Variants in GFRAL observed in about 807,000 individuals in gnomAD.
GFRAL encodes GDNF family receptor alpha-like.
In GFRAL, 36 loss-of-function variants were observed where a neutral mutation model predicts 45.4. That is an observed-to-expected ratio of 0.79 (90% CI 0.61 to 1.05). The LOEUF (loss-of-function observed/expected upper bound fraction) is 1.05. Ranked by LOEUF, GFRAL falls within the 50% of genes least tolerant of loss-of-function variation. The pLI, the probability that GFRAL is intolerant of heterozygous loss-of-function variation, is 0.00. For missense variants in GFRAL, 507 were observed against 467.5 expected, an observed-to-expected ratio of 1.08 and a Z score of -0.78; for synonymous variants, 166 against 154.1, an observed-to-expected ratio of 1.08 and a Z score of -0.57.
chr6:55,340,804 A>G (rs1278727119), intron 3 of GFRAL, among the ~76,000 whole-genome samples: 1 of 152,188 alleles, frequency 6.6e-6, no homozygotes, highest in Non-Finnish European at 1.5e-5. Flanking sequence ...TGGCACCTGG[A>G]AAATCGGGTC....
intron 3 of GFRAL, among the ~76,000 whole-genome samples, chr6:55,338,927 C>G (rs1184992140): frequency 1.3e-5 from 2 of 152,014 alleles, no homozygotes; most frequent in Non-Finnish European, 2.9e-5. Flanking sequence ...AGGAATGTAT[C>G]ATCAGTTTCT....
At chr6:55,395,175 A>ATATAT (rs1554136792) in intron 6 of GFRAL, among the ~76,000 whole-genome samples, 145 of 123,472 alleles carry the variant, frequency 1.2e-3, no homozygotes, top group African/African-American at 4.7e-3. Flanking sequence ...AAAAAAAAAA[A>ATATAT]ATATATATAT....
rs1768904410 is a variant in GFRAL at position 55,401,919 on chromosome 6, T to A, written c.*66T>A. 5.0e-6 allele frequency: 4 copies of A among 806,592 alleles called. No homozygotes were observed. Among genetic ancestry groups the A allele is most frequent in the Non-Finnish European group, 8.6e-6 (4 of 467,664 alleles). The allele number at this position is 806,592 out of a possible 1,614,324, so 50.0% of individuals were successfully genotyped here. On this transcript the variant is annotated 3_prime_UTR_variant, in exon 9 of 9. Transcript: ENST00000340465. ...CTGCTTTTCTTCTTTCCTCTTTTCT[T>A]CTCTCCTCTCCTCTCCTCTCTTCTC...
rs192047373 is a variant in GFRAL, at chr6:55,399,980, T to C, written c.1121+539T>C. ...ACCATTGCCTGACATTAATTTATTC[T>C]CCAAATCTTGGCTGCTTTTATTGCT... On this transcript the variant is annotated intron_variant, in intron 8 of 8. Coordinates refer to ENST00000340465, the MANE Select transcript of GFRAL (RefSeq NM_207410.2). 1.4e-3 allele frequency among the ~76,000 whole-genome samples: 220 copies of C among 152,272 alleles called. No homozygotes were observed. In the Middle Eastern group the frequency reaches 0.031, roughly 21 times the overall value.
intron 3 of GFRAL, among the ~76,000 whole-genome samples, chr6:55,344,500 C>G (rs1768012490): frequency 6.6e-6 from 1 of 152,130 alleles, no homozygotes; most frequent in Admixed American, 6.5e-5. Flanking sequence ...ACGCTTCATG[C>G]TAAAAACTCT....
chr6:55,379,301 C>A (rs1768575152), intron 6 of GFRAL, among the ~76,000 whole-genome samples: 1 of 151,648 alleles, frequency 6.6e-6, no homozygotes, highest in African/African-American at 2.4e-5. Flanking sequence ...CTTTTCTGCT[C>A]CTCTCCCTCC....
intron 6 of GFRAL, among the ~76,000 whole-genome samples, chr6:55,362,515 C>T (rs74509913): frequency 0.05 from 7,629 of 151,944 alleles, 290 homozygotes; most frequent in African/African-American, 0.094. Context: ...TATGGATTCA[C>T]AACAAACTTA....
At chr6:55,335,895 C>CT (rs371208554) in intron 3 of GFRAL, among the ~76,000 whole-genome samples, 4 of 147,768 alleles carry the variant, frequency 2.7e-5, no homozygotes, top group Non-Finnish European at 4.5e-5. Context: ...ATTTCTTTGT[C>CT]TTTATTTTAT....
chr6:55,341,467 CTG>C (rs1767964395), intron 3 of GFRAL, among the ~76,000 whole-genome samples: 2 of 152,196 alleles, frequency 1.3e-5, no homozygotes. Context: ...AGGGTCCTGA[CTG>C]TTAGAAGGAA....
At chr6:55,340,121 C>T (rs1348112763) in intron 3 of GFRAL, among the ~76,000 whole-genome samples, 1 of 152,160 alleles carries the variant, frequency 6.6e-6, no homozygotes, top group African/African-American at 2.4e-5. Flanking sequence ...TATTATAATT[C>T]ATGACAAAGA....
rs1767782146 is a variant in GFRAL at position 55,327,567 on chromosome 6, A to G, written c.13A>G (p.Ile5Val). MIVFIFLAMGLSLEN... is the reference protein window; with the variant it reads MIVFVFLAMGLSLEN... ...TGAGTTGTCCAGCATGATAGTGTTT[A>G]TTTTCTTGGGTAAGTGAATGGTGCT... Residue 5 changes from isoleucine to valine, a missense_variant, in exon 1 of 9, where the codon ATT becomes GTT. Physicochemically the swap from Ile to Val is conservative, Grantham distance 29. Transcript: ENST00000340465. 6.2e-7 allele frequency: 1 copy of G among 1,612,686 alleles called. No individual in the cohort carries two copies. The highest frequency in any genetic ancestry group is 8.5e-7 in the Non-Finnish European group (1 of 1,179,110).
At position 55,358,760 on chromosome 6, in the gene GFRAL, C is replaced by A. The variant is rs1768229983; in HGVS notation, c.702-128C>A. ...GGTGATTTTTCAAATCACAAATTTA[C>A]TTTTCAACTATGTACTGGCATCTCG... On this transcript the variant is annotated intron_variant, in intron 5 of 8. Coordinates refer to ENST00000340465, the MANE Select transcript of GFRAL (RefSeq NM_207410.2). 6 of 773,416 alleles carry A rather than the reference C, an allele frequency of 7.8e-6. No homozygotes were observed. The Admixed American group carries it at 1.5e-4, about 19-fold the overall frequency. 47.9% of individuals were successfully genotyped at this position (773,416 alleles called of 1,614,324 possible). A position where few individuals can be genotyped will look rare whatever the true frequency, so the allele number is the denominator to read the frequency against.
At chr6:55,347,621 A>G (rs1358637065) in intron 3 of GFRAL, among the ~76,000 whole-genome samples, 1 of 152,180 alleles carries the variant, frequency 6.6e-6, no homozygotes, top group Non-Finnish European at 1.5e-5. Context: ...AATAATTAAT[A>G]TTTTGGAAGC....
At chr6:55,357,614 C>A (rs1378780335) in intron 5 of GFRAL, among the ~76,000 whole-genome samples, 1 of 151,456 alleles carries the variant, frequency 6.6e-6, no homozygotes, top group Non-Finnish European at 1.5e-5. Flanking sequence ...TATTTTTAAT[C>A]CGTTTAATCC....
rs757320637 is a variant in GFRAL, at chr6:55,399,411, G to T, written c.1091G>T (p.Gly364Val). 1 of 1,611,446 alleles carries T rather than the reference G, an allele frequency of 6.2e-7. No homozygotes were observed. The highest frequency in any genetic ancestry group is 1.7e-5 in the Admixed American group (1 of 60,006). ...YAAMCMTVTC[G>V]ILLLVMVKLR... Reference sequence around the variant, plus strand: ...GCCATGTGCATGACAGTCACCTGTGGAATCCTTCTGTTGGTTATGGTCAAG... The same window carrying T: ...GCCATGTGCATGACAGTCACCTGTGTAATCCTTCTGTTGGTTATGGTCAAG... Residue 364 changes from glycine (G) to valine (V), a missense_variant, in exon 8 of 9, where the codon GGA becomes GTA. Physicochemically the swap from Gly to Val is moderately radical, Grantham distance 109. Coordinates refer to ENST00000340465, the MANE Select transcript of GFRAL (RefSeq NM_207410.2).
At position 55,354,383 on chromosome 6, in the gene GFRAL, ACGT is replaced by A. The variant is rs533780274; in HGVS notation, c.701+2802_701+2804del. 5.0e-3 allele frequency among the ~76,000 whole-genome samples: 755 copies of A among 151,974 alleles called. 8 individuals are homozygous for A. Among genetic ancestry groups the A allele is most frequent in the African/African-American group, 0.015 (628 of 41,452 alleles). ...CTGGAGTGGGATAAGCACTCAAAAA[ACGT>A]CATCTCCCTTCCTCTCACTTTTGAA... On this transcript the variant is annotated intron_variant, in intron 5 of 8. Coordinates refer to ENST00000340465, the MANE Select transcript of GFRAL (RefSeq NM_207410.2).
intron 5 of GFRAL, among the ~76,000 whole-genome samples, chr6:55,354,718 T>C (rs988354939): frequency 5.3e-5 from 8 of 152,034 alleles, no homozygotes; most frequent in Non-Finnish European, 1.2e-4. Context: ...GGAAAACCAC[T>C]TCTTCAATGA....
chr6:55,371,610 A>G (rs1004067938), intron 6 of GFRAL, among the ~76,000 whole-genome samples: 1 of 152,248 alleles, frequency 6.6e-6, no homozygotes, highest in Non-Finnish European at 1.5e-5. Context: ...ATTGGAATAA[A>G]GAAGTTATCT....
chr6:55,393,109 T>C (rs1318391896), intron 6 of GFRAL, among the ~76,000 whole-genome samples: 1 of 151,612 alleles, frequency 6.6e-6, no homozygotes, highest in African/African-American at 2.4e-5. Flanking sequence ...AAAATAAAGA[T>C]CCTCAATGAA....
Sources: allele counts gnomAD v4.1 joint callset (sites outside exome capture counted in the v4.1 genomes callset), GRCh38; gene constraint gnomAD v4.1.1; transcripts MANE v1.5; gene names NCBI Gene and HGNC (gene_info 2026-07-23, HGNC 2026-07-21).